NT5DC1: variants seen among roughly 807,000 people sequenced by gnomAD.
NT5DC1 encodes 5'-nucleotidase domain-containing protein 1.
A neutral mutation model predicts 59.4 loss-of-function variants in NT5DC1; 42 were observed. The observed-to-expected ratio is 0.71, with a 90% CI of 0.55 to 0.92. The LOEUF (loss-of-function observed/expected upper bound fraction) is 0.92. NT5DC1 is among the 40% of genes least tolerant of loss of function. The pLI is 0.00. For synonymous variants in NT5DC1, 172 were observed against 188.1 expected (o/e 0.91, Z 0.70); for missense variants, 501 against 537.1 (o/e 0.93, Z 0.66).
chr6:116,205,456 C>G (rs1781430761), intron 6 of NT5DC1, among the ~76,000 whole-genome samples: 1 of 134,906 alleles, frequency 7.4e-6, no homozygotes, highest in East Asian at 2.0e-4. Flanking sequence ...AGATAATTTC[C>G]CTGTTATCTG....
rs1781789481 is a variant in NT5DC1 at position 116,221,099 on chromosome 6, G to T, written c.575G>T (p.Arg192Ile). ...CCAGAAATAAAAAGAGATCCAGGCA[G>T]ATATTTACATAGTTGTCCTGAATCT... The part of the protein sequence containing the change: ...YFPEIKRDPG[R>I]YLHSCPESVK... Residue 192 changes from arginine to isoleucine, a missense_variant, in exon 7 of 12, where the codon AGA (arginine) becomes ATA (isoleucine). Arg to Ile is a moderately conservative substitution (Grantham distance 97, BLOSUM62 -3). Transcript: ENST00000319550. 2 of 1,564,282 alleles carry T rather than the reference G, an allele frequency of 1.3e-6. No homozygotes were observed. The highest frequency in any genetic ancestry group is 3.4e-5 in the Admixed American group (2 of 59,656).
chr6:116,122,722 G>A (rs773272213), intron 6 of NT5DC1, among the ~76,000 whole-genome samples: 9 of 152,174 alleles, frequency 5.9e-5, no homozygotes, highest in Admixed American at 1.3e-4. Flanking sequence ...GGGTACAGAT[G>A]TTTCTGAGAT....
chr6:116,104,016 A>G (rs908328904), intron 1 of NT5DC1, among the ~76,000 whole-genome samples: 3 of 152,194 alleles, frequency 2.0e-5, no homozygotes. Flanking sequence ...ACAGGGTACC[A>G]ATTGGCAACT....
At chr6:116,210,257 G>A (rs1026290605) in intron 6 of NT5DC1, among the ~76,000 whole-genome samples, 1 of 151,694 alleles carries the variant, frequency 6.6e-6, no homozygotes, top group African/African-American at 2.4e-5. Flanking sequence ...TATATGTAAG[G>A]TTCAAAAAGA....
intron 6 of NT5DC1, among the ~76,000 whole-genome samples, chr6:116,152,020 G>T (rs933654086): frequency 1.3e-5 from 2 of 152,132 alleles, no homozygotes; most frequent in Non-Finnish European, 2.9e-5. Context: ...CTAAGATGCA[G>T]GATTATAGTA....
intron 8 of NT5DC1, among the ~76,000 whole-genome samples, chr6:116,227,866 A>G (rs6914038): frequency 0.32 from 48,678 of 151,988 alleles, 9,267 homozygotes; most frequent in East Asian, 0.66. Context: ...TTAACCCCTT[A>G]TCAGATGTAT....
At chr6:116,226,000 G>A (rs527797480) in intron 8 of NT5DC1, among the ~76,000 whole-genome samples, 2 of 152,242 alleles carry the variant, frequency 1.3e-5, no homozygotes, top group East Asian at 1.9e-4. Flanking sequence ...CCCCAACGAC[G>A]AAGAATTATC....
At chr6:116,240,907 G>T (rs1333632604) in intron 11 of NT5DC1, among the ~76,000 whole-genome samples, 1 of 152,190 alleles carries the variant, frequency 6.6e-6, no homozygotes. Flanking sequence ...ACTTTGGGAG[G>T]CCGAGGTGGG....
chr6:116,132,710 A>T (rs1728624626), intron 6 of NT5DC1, among the ~76,000 whole-genome samples: 1 of 152,126 alleles, frequency 6.6e-6, no homozygotes, highest in African/African-American at 2.4e-5. Context: ...AACACCAGCG[A>T]CTGGGCTAAT....
intron 3 of NT5DC1, among the ~76,000 whole-genome samples, chr6:116,110,171 G>A (rs1195119455): frequency 2.0e-5 from 3 of 152,222 alleles, no homozygotes; most frequent in Admixed American, 6.5e-5. Flanking sequence ...AACTGTGGGA[G>A]AGCAAAACTG....
At chr6:116,178,088 TGCGCGCGC>T (rs770350675) in intron 6 of NT5DC1, among the ~76,000 whole-genome samples, 1 of 99,624 alleles carries the variant, frequency 1.0e-5, no homozygotes, top group Non-Finnish European at 2.1e-5. Flanking sequence ...TGTGTGTGTG[TGCGCGCGC>T]GCGCGCGTGC....
intron 6 of NT5DC1, among the ~76,000 whole-genome samples, chr6:116,135,211 T>C (rs192636811): frequency 3.9e-5 from 6 of 152,270 alleles, no homozygotes; most frequent in African/African-American, 1.4e-4. Context: ...GAAATACATA[T>C]ATGACCCTTA....
chr6:116,165,139 TCTTTAAG>T (rs1780434558), intron 6 of NT5DC1, among the ~76,000 whole-genome samples: 1 of 151,860 alleles, frequency 6.6e-6, no homozygotes, highest in African/African-American at 2.4e-5. Flanking sequence ...GCATTATTTT[TCTTTAAG>T]AAGTCTAAAA....
intron 6 of NT5DC1, among the ~76,000 whole-genome samples, chr6:116,212,535 GAT>G (rs1781601098): frequency 1.3e-5 from 2 of 152,062 alleles, no homozygotes; most frequent in Admixed American, 1.3e-4. Flanking sequence ...AGTAAGAAAA[GAT>G]ATTTCTGAAG....
chr6:116,237,760 GC>G (rs1359213300), intron 9 of NT5DC1: 3 of 262,214 alleles, frequency 1.1e-5, no homozygotes, highest in Non-Finnish European at 2.3e-5. Flanking sequence ...CTGGGGTTGG[GC>G]CCAGAAACTT....
intron 6 of NT5DC1, chr6:116,120,006 T>C: frequency 7.5e-7 from 1 of 1,338,004 alleles, no homozygotes; most frequent in Non-Finnish European, 1.1e-6. Flanking sequence ...CATATGCATT[T>C]TGTAGGGTGG....
chr6:116,178,310 C>T (rs577826233), intron 6 of NT5DC1, among the ~76,000 whole-genome samples: 6 of 152,244 alleles, frequency 3.9e-5, no homozygotes, highest in African/African-American at 9.6e-5. Context: ...TGACATTGGG[C>T]GCATTCAGGG....
intron 6 of NT5DC1, among the ~76,000 whole-genome samples, chr6:116,190,506 A>G (rs1781094343): frequency 6.6e-6 from 1 of 152,020 alleles, no homozygotes; most frequent in Non-Finnish European, 1.5e-5. Flanking sequence ...GGAGAAAACA[A>G]AACAAGCATC....
chr6:116,112,739 G>T (rs1333352980), intron 4 of NT5DC1, among the ~76,000 whole-genome samples: 1 of 152,160 alleles, frequency 6.6e-6, no homozygotes, highest in Non-Finnish European at 1.5e-5. Flanking sequence ...TGTATATTTT[G>T]CACTTTCATA....
Sources: allele counts gnomAD v4.1 joint callset (sites outside exome capture counted in the v4.1 genomes callset), GRCh38; gene constraint gnomAD v4.1.1; transcripts MANE v1.5; gene names NCBI Gene and HGNC (gene_info 2026-07-23, HGNC 2026-07-21).